The following BACH2 variants were observed in gnomAD, a reference collection of about 807,000 sequenced individuals.
BACH2 encodes the protein transcription regulator protein BACH2.
Under a neutral mutation model 61.8 loss-of-function variants are expected in BACH2, and 5 were observed. The observed-to-expected ratio is 0.08, with a 90% CI of 0.04 to 0.17. BACH2 has a LOEUF of 0.17. BACH2 is among the 10% of genes least tolerant of loss of function. BACH2 has a pLI of 1.00. For missense variants in BACH2, 824 were observed against 1,091.1 expected, an observed-to-expected ratio of 0.76 and a Z score of 3.45; for synonymous variants, 446 against 440.1, an observed-to-expected ratio of 1.01 and a Z score of -0.17.
intron 4 of BACH2, among the ~76,000 whole-genome samples, chr6:90,121,148 G>A (rs1783606625): frequency 6.6e-6 from 1 of 152,194 alleles, no homozygotes; most frequent in South Asian, 2.1e-4. Flanking sequence ...ATTACATGAA[G>A]TTCCAATCAG....
At chr6:90,210,404 T>A (rs966985711) in intron 3 of BACH2, among the ~76,000 whole-genome samples, 10 of 150,450 alleles carry the variant, frequency 6.6e-5, no homozygotes, top group African/African-American at 2.5e-4. Flanking sequence ...AGAGAACAGA[T>A]GACAATTTTA....
chr6:89,934,887 T>G (rs894869537), intron 8 of BACH2, among the ~76,000 whole-genome samples: 2 of 152,002 alleles, frequency 1.3e-5, no homozygotes, highest in Non-Finnish European at 2.9e-5. Context: ...ACACGGGAGC[T>G]GCATGTGCCG....
intron 2 of BACH2, among the ~76,000 whole-genome samples, chr6:90,265,200 A>C (rs1771284218): frequency 6.6e-6 from 1 of 152,220 alleles, no homozygotes; most frequent in African/African-American, 2.4e-5. Context: ...CTTCACCCTC[A>C]GAGAGGCTTG....
chr6:90,244,379 C>T (rs1417738080), intron 3 of BACH2, among the ~76,000 whole-genome samples: 1 of 152,204 alleles, frequency 6.6e-6, no homozygotes, highest in East Asian at 1.9e-4. Context: ...GAGGTAATTA[C>T]TATTACTGCT....
At chr6:90,212,963 C>CT (rs1769407912) in intron 3 of BACH2, among the ~76,000 whole-genome samples, 1 of 152,194 alleles carries the variant, frequency 6.6e-6, no homozygotes, top group Non-Finnish European at 1.5e-5. Context: ...GATATCTAAT[C>CT]TTTAGATTCA....
chr6:89,932,819 G>T lies in BACH2; in HGVS notation c.2115C>A (p.Asn705Lys). Residue 705 changes from asparagine to lysine, a missense_variant, in exon 9 of 9, where the codon AAC becomes AAA. This residue lies in a region of BACH2 where 160 missense variants were observed against 283.5 expected (regional missense o/e 0.56). Coordinates refer to ENST00000257749, the MANE Select transcript of BACH2 (RefSeq NM_021813.4). ...LKACMGELLD[N>K]FSCLSQEVCR... ...AAACTTCCTGGGAAAGGCAGGAGAA[G>T]TTGTCCAACAGTTCCCCCATGCATG... is the stretch of plus-strand genomic sequence containing the variant. 1 of 1,613,286 alleles carries T rather than the reference G, an allele frequency of 6.2e-7. No homozygotes were observed. Among genetic ancestry groups the T allele is most frequent in the African/African-American group, 1.3e-5 (1 of 75,052 alleles).
intron 3 of BACH2, among the ~76,000 whole-genome samples, chr6:90,211,588 CTGTGTGTGTGTGTGTGTGTGTG>C (rs3072674): frequency 2.3e-4 from 33 of 144,138 alleles, no homozygotes; most frequent in African/African-American, 7.2e-4. Flanking sequence ...GTGTCAAGGG[CTGTGTGTGTGTGTGTGTGTGTG>C]TGTGTGTGTG....
At chr6:90,014,559 C>T (rs1562370362) in intron 5 of BACH2, among the ~76,000 whole-genome samples, 1 of 142,722 alleles carries the variant, frequency 7.0e-6, no homozygotes, top group Non-Finnish European at 1.5e-5. Context: ...CTGCAAACTC[C>T]ACCTCCTGGA....
At chr6:90,088,370 C>A (rs1443921012) in intron 5 of BACH2, among the ~76,000 whole-genome samples, 1 of 152,094 alleles carries the variant, frequency 6.6e-6, no homozygotes, top group African/African-American at 2.4e-5. Context: ...TGTTGAAAAC[C>A]AGGGGCAAAG....
intron 6 of BACH2, among the ~76,000 whole-genome samples, chr6:89,961,242 T>A (rs2128359133): frequency 6.6e-6 from 1 of 152,312 alleles, no homozygotes; most frequent in East Asian, 1.9e-4. Context: ...CACAGAATAA[T>A]TTTTAAAAAT....
chr6:90,194,393 T>C (rs1365398817), intron 4 of BACH2, among the ~76,000 whole-genome samples: 1 of 152,144 alleles, frequency 6.6e-6, no homozygotes, highest in Non-Finnish European at 1.5e-5. Context: ...AGAGTTATAG[T>C]TCAAAATACC....
chr6:90,205,331 GT>G (rs1366463289), intron 4 of BACH2, among the ~76,000 whole-genome samples: 2 of 152,172 alleles, frequency 1.3e-5, no homozygotes, highest in African/African-American at 4.8e-5. Context: ...ACTCTCCCCT[GT>G]TTTAAATCCT....
intron 3 of BACH2, among the ~76,000 whole-genome samples, chr6:90,238,244 T>C (rs1472003683): frequency 6.6e-6 from 1 of 152,160 alleles, no homozygotes; most frequent in Non-Finnish European, 1.5e-5. Context: ...CTATCTATGT[T>C]GGGAAAGCAA....
chr6:90,272,901 C>T (rs781166334), intron 1 of BACH2, among the ~76,000 whole-genome samples: 109 of 152,150 alleles, frequency 7.2e-4, no homozygotes, highest in Non-Finnish European at 6.8e-4. Context: ...TCTCGCTATC[C>T]CCAGCAATTT....
intron 4 of BACH2, among the ~76,000 whole-genome samples, chr6:90,205,199 A>G (rs1769102918): frequency 6.6e-6 from 1 of 152,210 alleles, no homozygotes; most frequent in Non-Finnish European, 1.5e-5. Flanking sequence ...TGGGCTTTCT[A>G]AAGTCTAGAG....
At chr6:90,119,542 T>C (rs1406808814) in intron 4 of BACH2, among the ~76,000 whole-genome samples, 1 of 152,170 alleles carries the variant, frequency 6.6e-6, no homozygotes, top group African/African-American at 2.4e-5. Context: ...GAAATTTGAA[T>C]ATACAGAATA....
chr6:90,189,870 G>A (rs1373754481), intron 4 of BACH2, among the ~76,000 whole-genome samples: 1 of 152,196 alleles, frequency 6.6e-6, no homozygotes, highest in Admixed American at 6.5e-5. Flanking sequence ...GACTATGGCA[G>A]TGAAAGAACC....
chr6:90,009,758 G>A (rs1777607836), intron 5 of BACH2, among the ~76,000 whole-genome samples: 1 of 152,154 alleles, frequency 6.6e-6, no homozygotes, highest in African/African-American at 2.4e-5. Context: ...TCCACCTCCT[G>A]GGTTCAAGTG....
intron 1 of BACH2, among the ~76,000 whole-genome samples, chr6:90,292,653 C>A (rs894916097): frequency 2.6e-5 from 4 of 152,134 alleles, no homozygotes; most frequent in Non-Finnish European, 5.9e-5. Context: ...TCATTGGGTG[C>A]ATACTCACAA....
Sources: allele counts gnomAD v4.1 joint callset (sites outside exome capture counted in the v4.1 genomes callset), GRCh38; gene constraint gnomAD v4.1.1; regional missense constraint gnomAD v4.1.1; transcripts MANE v1.5; gene names NCBI Gene and HGNC (gene_info 2026-07-23, HGNC 2026-07-21).